Variants in PSMD14 observed in about 807,000 individuals in gnomAD.
PSMD14 encodes ubiquitin C-terminal hydrolase PSMD14.
A neutral mutation model predicts 41.2 loss-of-function variants in PSMD14; 7 were observed. The observed-to-expected ratio is 0.17, with a 90% confidence interval of 0.10 to 0.32. The LOEUF (loss-of-function observed/expected upper bound fraction) is 0.32. PSMD14 is among the 10% of genes least tolerant of loss of function. The pLI is 1.00. For missense variants in PSMD14, 139 were observed against 375.6 expected (o/e 0.37, Z 5.21); for synonymous variants, 114 against 122.3 (o/e 0.93, Z 0.45).
intron 3 of PSMD14, among the ~76,000 whole-genome samples, chr2:161,366,177 T>C (rs756144239): frequency 5.9e-5 from 9 of 152,150 alleles, no homozygotes; most frequent in Non-Finnish European, 8.8e-5. Flanking sequence ...TAGGTGATAA[T>C]AGATGAAGAA....
chr2:161,362,853 A>G (rs1350713953), intron 3 of PSMD14, among the ~76,000 whole-genome samples: 1 of 152,206 alleles, frequency 6.6e-6, no homozygotes, highest in Non-Finnish European at 1.5e-5. Flanking sequence ...ATTGCCTCAC[A>G]TATGATGGTC....
At chr2:161,361,581 T>G (rs1391579934) in intron 3 of PSMD14, among the ~76,000 whole-genome samples, 1 of 151,684 alleles carries the variant, frequency 6.6e-6, no homozygotes, top group East Asian at 1.9e-4. Flanking sequence ...CTGGCAAATT[T>G]CACACACACA....
chr2:161,375,402 A>G (rs1683490012), intron 7 of PSMD14, among the ~76,000 whole-genome samples: 1 of 152,054 alleles, frequency 6.6e-6, no homozygotes, highest in Non-Finnish European at 1.5e-5. Context: ...TGTATATGCC[A>G]GTATACAATA....
chr2:161,408,203 A>G (rs1207177523), intron 10 of PSMD14: 1 of 152,178 alleles, frequency 6.6e-6, no homozygotes, highest in Middle Eastern at 3.4e-3. Context: ...TCAAATGACA[A>G]TTTCTTCATG....
intron 1 of PSMD14, among the ~76,000 whole-genome samples, chr2:161,311,668 G>T (rs1689089250): frequency 9.8e-6 from 1 of 102,160 alleles, no homozygotes; most frequent in South Asian, 3.3e-4. Flanking sequence ...ACCTTGCTCT[G>T]TTGCCCAGGC....
At chr2:161,354,169 C>A (rs1683159545) in intron 3 of PSMD14, among the ~76,000 whole-genome samples, 1 of 152,000 alleles carries the variant, frequency 6.6e-6, no homozygotes, top group African/African-American at 2.4e-5. Context: ...TATGTTTTTG[C>A]CAATCTTAAA....
At chr2:161,383,114 A>G (rs1683589038) in intron 7 of PSMD14, 1 of 151,778 alleles carries the variant, frequency 6.6e-6, no homozygotes, top group East Asian at 1.9e-4. Context: ...AGCGCACTGG[A>G]CATTAATGAG....
At chr2:161,342,630 T>A (rs548026246) in intron 3 of PSMD14, among the ~76,000 whole-genome samples, 22 of 152,090 alleles carry the variant, frequency 1.4e-4, no homozygotes, top group Middle Eastern at 3.4e-3. Context: ...TTTTTTTTTT[T>A]AAAATCCAGT....
intron 3 of PSMD14, among the ~76,000 whole-genome samples, chr2:161,337,257 A>G (rs570090637): frequency 1.5e-4 from 23 of 152,294 alleles, no homozygotes; most frequent in African/African-American, 5.5e-4. Context: ...TAAATTTAGT[A>G]TTTGTTTCTA....
rs1048305292 is a variant in PSMD14 at position 161,368,367 on chromosome 2, T to C, written c.240+464T>C. Among the ~76,000 whole-genome samples the C allele has an allele frequency of 3.9e-5, 6 of 152,128 alleles. No individual in the cohort carries two copies. The South Asian group carries it at 1.2e-3, about 31-fold the overall frequency. On this transcript the variant is annotated intron_variant, in intron 5 of 11. Coordinates refer to ENST00000409682, the MANE Select transcript of PSMD14 (RefSeq NM_005805.6). ...TGAATGACTTTTTAAGCTTTTCTTA[T>C]TTAAAATGTTAAGTTAAAGCAAAAC... is the stretch of plus-strand genomic sequence containing the variant.
intron 8 of PSMD14, 43 bp downstream of exon 8, chr2:161,385,614 T>A: frequency 8.0e-7 from 1 of 1,254,874 alleles, no homozygotes; most frequent in Non-Finnish European, 1.2e-6. Context: ...CTTTTAAATT[T>A]TAAAAGCCTG....
At chr2:161,321,468 T>G (rs1362902960) in intron 3 of PSMD14, among the ~76,000 whole-genome samples, 1 of 152,234 alleles carries the variant, frequency 6.6e-6, no homozygotes, top group African/African-American at 2.4e-5. Flanking sequence ...GTTGCTACTT[T>G]ACTGGCTTGA....
chr2:161,360,839 G>A (rs1433829769), intron 3 of PSMD14, among the ~76,000 whole-genome samples: 9 of 152,160 alleles, frequency 5.9e-5, no homozygotes, highest in Non-Finnish European at 1.0e-4. Context: ...CCTGGCCTTC[G>A]TATTTATTTC....
At chr2:161,400,810 T>A (rs1012141000) in intron 10 of PSMD14, among the ~76,000 whole-genome samples, 1 of 151,574 alleles carries the variant, frequency 6.6e-6, no homozygotes. Flanking sequence ...CTTCCCAAAG[T>A]GCTGGGATTA....
At chr2:161,372,951 A>G (rs1426407109) in intron 7 of PSMD14, among the ~76,000 whole-genome samples, 1 of 151,846 alleles carries the variant, frequency 6.6e-6, no homozygotes, top group African/African-American at 2.4e-5. Flanking sequence ...GATGGTGGCT[A>G]CTTTGAAAAA....
chr2:161,373,469 T>C (rs2105259028), intron 7 of PSMD14, among the ~76,000 whole-genome samples: 1 of 151,906 alleles, frequency 6.6e-6, no homozygotes, highest in Non-Finnish European at 1.5e-5. Flanking sequence ...GTTCTTTCAG[T>C]GTCAAGTCCT....
intron 10 of PSMD14, among the ~76,000 whole-genome samples, chr2:161,406,418 C>A (rs145718824): frequency 3.9e-5 from 6 of 152,116 alleles, no homozygotes; most frequent in African/African-American, 1.4e-4. Context: ...CAAAATTTGA[C>A]GCCAAATCAC....
intron 1 of PSMD14, among the ~76,000 whole-genome samples, chr2:161,310,486 G>T (rs1328456427): frequency 2.0e-5 from 3 of 152,158 alleles, no homozygotes; most frequent in Non-Finnish European, 2.9e-5. Context: ...GTTTGTTGCA[G>T]TCATTTTGAC....
intron 3 of PSMD14, 60 bp from the exon 4 acceptor site, chr2:161,367,418 G>A: frequency 1.5e-6 from 2 of 1,364,486 alleles, no homozygotes; most frequent in East Asian, 5.0e-5. Flanking sequence ...CATGTAACTT[G>A]AATTTTAAAC....
Sources: gnomAD v4.1 joint callset for allele counts (sites outside exome capture counted in the v4.1 genomes callset) on GRCh38, gnomAD v4.1.1 for gene constraint, MANE v1.5 for transcripts, NCBI Gene and HGNC (gene_info 2026-07-23, HGNC 2026-07-21) for gene names.